NELL1: variants seen among roughly 807,000 people sequenced by gnomAD.
NELL1 encodes neural EGFL like 1, also known as protein kinase C-binding protein NELL1.
A neutral mutation model predicts 107.4 loss-of-function variants in NELL1; 76 were observed. That is an observed-to-expected ratio of 0.71 (90% CI 0.59 to 0.86). NELL1 has a LOEUF of 0.86. NELL1 is among the 40% of genes least tolerant of loss of function. NELL1 has a pLI of 0.00. For missense variants in NELL1, 1,024 were observed against 1,005.5 expected (o/e 1.02, Z -0.25); for synonymous variants, 353 against 341.2 (o/e 1.03, Z -0.38).
At chr11:21,543,477 G>A (rs1856345904) in intron 16 of NELL1, among the ~76,000 whole-genome samples, 4 of 151,940 alleles carry the variant, frequency 2.6e-5, no homozygotes, top group Admixed American at 2.6e-4. Flanking sequence ...AGTATGGAAT[G>A]GATATGGAAA....
At chr11:20,829,796 T>A (rs970200029) in intron 3 of NELL1, among the ~76,000 whole-genome samples, 12 of 152,288 alleles carry the variant, frequency 7.9e-5, no homozygotes, top group African/African-American at 2.9e-4. Flanking sequence ...TTATTATTTT[T>A]TTTTGGCAAG....
intron 3 of NELL1, among the ~76,000 whole-genome samples, chr11:20,827,955 T>TA (rs2134032843): frequency 6.6e-6 from 1 of 151,412 alleles, no homozygotes; most frequent in Admixed American, 6.6e-5. Context: ...GTTGACTCTA[T>TA]GCTACCTACT....
At chr11:21,190,219 G>A (rs1857020368) in intron 13 of NELL1, among the ~76,000 whole-genome samples, 1 of 151,780 alleles carries the variant, frequency 6.6e-6, no homozygotes, top group Non-Finnish European at 1.5e-5. Flanking sequence ...GGGCATGCTG[G>A]TGGATGCCTG....
intron 2 of NELL1, among the ~76,000 whole-genome samples, chr11:20,696,440 A>G (rs1454383380): frequency 6.6e-6 from 1 of 152,078 alleles, no homozygotes; most frequent in Non-Finnish European, 1.5e-5. Context: ...TTTTTAAGGT[A>G]GGCCTTTAGT....
intron 15 of NELL1, among the ~76,000 whole-genome samples, chr11:21,500,962 A>G (rs1855124530): frequency 6.6e-6 from 1 of 151,994 alleles, no homozygotes; most frequent in Non-Finnish European, 1.5e-5. Context: ...TGATATCCAG[A>G]GTATTTAGGT....
intron 13 of NELL1, among the ~76,000 whole-genome samples, chr11:21,141,401 G>A (rs116547177): frequency 2.0e-3 from 311 of 152,254 alleles, no homozygotes; most frequent in African/African-American, 7.0e-3. Context: ...ATGAATTGGC[G>A]TTTCCTATTT....
intron 15 of NELL1, among the ~76,000 whole-genome samples, chr11:21,525,005 C>CAAT (rs1284189861): frequency 1.3e-5 from 2 of 152,048 alleles, no homozygotes; most frequent in Non-Finnish European, 2.9e-5. Context: ...AATCCATAGG[C>CAAT]AATAGTAAAT....
chr11:20,774,721 G>A (rs910793548), intron 2 of NELL1, among the ~76,000 whole-genome samples: 1 of 152,138 alleles, frequency 6.6e-6, no homozygotes, highest in African/African-American at 2.4e-5. Flanking sequence ...GAATAAATGA[G>A]CGGATGGGTG....
At chr11:20,702,713 G>A (rs147155618) in intron 2 of NELL1, among the ~76,000 whole-genome samples, 2 of 152,142 alleles carry the variant, frequency 1.3e-5, no homozygotes, top group African/African-American at 4.8e-5. Flanking sequence ...AGAGATTTTA[G>A]CATGAAGCGC....
At chr11:21,493,556 T>TA (rs1246103700) in intron 15 of NELL1, among the ~76,000 whole-genome samples, 65 of 151,586 alleles carry the variant, frequency 4.3e-4, no homozygotes, top group Non-Finnish European at 4.1e-4. Flanking sequence ...CTTCTGGAGA[T>TA]AGAGTATAGA....
At chr11:20,803,407 A>G (rs1261747896) in intron 3 of NELL1, among the ~76,000 whole-genome samples, 1 of 151,978 alleles carries the variant, frequency 6.6e-6, no homozygotes, top group Admixed American at 6.5e-5. Context: ...AATGTCTCCT[A>G]TTTCGTCTCT....
intron 5 of NELL1, among the ~76,000 whole-genome samples, chr11:20,889,945 G>A (rs1014866870): frequency 5.3e-5 from 8 of 152,128 alleles, no homozygotes; most frequent in Admixed American, 6.5e-5. Flanking sequence ...TGAAGAATCC[G>A]GGCAGTCTAG....
At chr11:21,072,384 G>C (rs569193619) in intron 12 of NELL1, among the ~76,000 whole-genome samples, 1 of 152,156 alleles carries the variant, frequency 6.6e-6, no homozygotes, top group Non-Finnish European at 1.5e-5. Flanking sequence ...TTATTGTCCT[G>C]TATAAGGTGA....
At chr11:20,679,305 T>C (rs1290465349) in intron 2 of NELL1, among the ~76,000 whole-genome samples, 3 of 152,208 alleles carry the variant, frequency 2.0e-5, no homozygotes, top group Admixed American at 6.5e-5. Context: ...ACTGACCAGA[T>C]ACCATAGTAA....
intron 14 of NELL1, among the ~76,000 whole-genome samples, chr11:21,272,426 C>T (rs1220827438): frequency 6.6e-6 from 1 of 152,184 alleles, no homozygotes; most frequent in African/African-American, 2.4e-5. Flanking sequence ...TGGGTGGAGC[C>T]CACCGCAGCT....
At chr11:20,722,882 A>G (rs1337724010) in intron 2 of NELL1, among the ~76,000 whole-genome samples, 1 of 152,194 alleles carries the variant, frequency 6.6e-6, no homozygotes, top group Non-Finnish European at 1.5e-5. Context: ...TTTGACTCAC[A>G]GTTTTGCTTG....
intron 5 of NELL1, among the ~76,000 whole-genome samples, chr11:20,895,271 CAAAAAAAAAAAAAAAAAAAAAAA>C (rs1156409312): frequency 3.1e-3 from 32 of 10,482 alleles, no homozygotes; most frequent in Admixed American, 0.01. Flanking sequence ...GACTCCGTCT[CAAAAAAAAAAAAAAAAAAAAAAA>C]AAAAAAAAAA....
At chr11:20,799,756 G>A (rs1431171556) in intron 3 of NELL1, among the ~76,000 whole-genome samples, 1 of 152,138 alleles carries the variant, frequency 6.6e-6, no homozygotes, top group Non-Finnish European at 1.5e-5. Context: ...ATGATGCTGA[G>A]GGATATGGAG....
chr11:21,574,381 AGG>A (rs1564968995), intron 19 of NELL1, among the ~76,000 whole-genome samples: 1 of 151,858 alleles, frequency 6.6e-6, no homozygotes, highest in Non-Finnish European at 1.5e-5. Flanking sequence ...CTAAATGACC[AGG>A]ACACAGGGAG....
Sources: gnomAD v4.1 joint callset for allele counts (sites outside exome capture counted in the v4.1 genomes callset) on GRCh38, gnomAD v4.1.1 for gene constraint, MANE v1.5 for transcripts, NCBI Gene and HGNC (gene_info 2026-07-23, HGNC 2026-07-21) for gene names.